Variants in HDAC9 observed in about 807,000 individuals in gnomAD.
HDAC9 encodes histone deacetylase 9, also known as MEF-2 interacting transcription repressor (MITR) protein.
HDAC9 carries 41 observed loss-of-function variants against 139.4 expected under a neutral mutation model. That is an observed-to-expected ratio of 0.29 (90% CI 0.23 to 0.38). The LOEUF is 0.38. Ranked by LOEUF, HDAC9 falls within the 10% of genes least tolerant of loss-of-function variation. The pLI is 1.00. For missense variants in HDAC9, 1,147 were observed against 1,297.0 expected, an observed-to-expected ratio of 0.88 and a Z score of 1.78; for synonymous variants, 517 against 476.2, an observed-to-expected ratio of 1.09 and a Z score of -1.12.
chr7:18,276,329 A>G (rs149321685), intron 2 of HDAC9, among the ~76,000 whole-genome samples: 2,610 of 152,332 alleles, frequency 0.017, 41 homozygotes, highest in Non-Finnish European at 0.025. Flanking sequence ...TGGTATTGAT[A>G]CAGTATTTCC....
At chr7:18,917,776 A>G (rs1358489239) in intron 22 of HDAC9, among the ~76,000 whole-genome samples, 1 of 152,052 alleles carries the variant, frequency 6.6e-6, no homozygotes, top group Non-Finnish European at 1.5e-5. Flanking sequence ...AATTAAAAAT[A>G]TGTCTGAGAT....
chr7:18,799,057 A>G lies in HDAC9; in HGVS notation c.2322+5605A>G, dbSNP rs1793067200. Among the ~76,000 whole-genome samples, 3 of 106,778 alleles carry G rather than the reference A, an allele frequency of 2.8e-5. No homozygotes were observed. In the South Asian group the frequency reaches 8.6e-4, roughly 31 times the overall value. The allele number at this position is 106,778 out of a possible 152,430, so 70.1% of individuals were successfully genotyped here. On this transcript the variant is annotated intron_variant, in intron 17 of 25. Transcript: ENST00000686413. ...TGCCCTAAGACACACACACACACACACACACACACACACACACACACACAC... is the reference window on the plus strand; with the variant it reads ...TGCCCTAAGACACACACACACACACGCACACACACACACACACACACACAC...
chr7:18,919,174 G>A (rs1303708540), intron 22 of HDAC9, among the ~76,000 whole-genome samples: 1 of 152,164 alleles, frequency 6.6e-6, no homozygotes, highest in African/African-American at 2.4e-5. Flanking sequence ...GGGCGCTTAT[G>A]TATCATTTTG....
In HDAC9 at chr7:18,998,546, A is replaced by G. The variant is rs947833210; in HGVS notation, c.*2484A>G. 4 of 152,240 alleles carry G rather than the reference A, an allele frequency of 2.6e-5. No homozygotes were observed. Among genetic ancestry groups the G allele is most frequent in the Admixed American group, 6.5e-5 (1 of 15,282 alleles). The allele number at this position is 152,240 out of a possible 1,614,324, so 9.4% of individuals were successfully genotyped here. On this transcript the variant is annotated 3_prime_UTR_variant, in exon 26 of 26. Transcript: ENST00000686413. ...CAGAATGCCATTGCTTTTTGATTAT[A>G]CCATTACAAGATGGAGCATAGCCCT...
intron 21 of HDAC9, among the ~76,000 whole-genome samples, chr7:18,855,749 A>T (rs757611897): frequency 2.0e-5 from 3 of 152,016 alleles, no homozygotes. Flanking sequence ...AGGGATTCTT[A>T]GCCAAATCCA....
intron 17 of HDAC9, among the ~76,000 whole-genome samples, chr7:18,815,560 C>T (rs1298239074): frequency 6.6e-6 from 1 of 152,242 alleles, no homozygotes; most frequent in Non-Finnish European, 1.5e-5. Context: ...CCTGGTTTTT[C>T]ACGAATGCAT....
intron 12 of HDAC9, among the ~76,000 whole-genome samples, chr7:18,681,909 C>A (rs1030332346): frequency 1.3e-4 from 19 of 151,952 alleles, no homozygotes; most frequent in Non-Finnish European, 2.2e-4. Flanking sequence ...CTTTGTCTAA[C>A]GCTAATAGAA....
At chr7:18,479,821 T>C (rs1350985907) in intron 1 of HDAC9, among the ~76,000 whole-genome samples, 1 of 152,090 alleles carries the variant, frequency 6.6e-6, no homozygotes, top group Non-Finnish European at 1.5e-5. Flanking sequence ...TTTAATATTA[T>C]GTAATATGGT....
chr7:18,761,327 C>G (rs561796983), intron 14 of HDAC9, among the ~76,000 whole-genome samples: 1 of 152,202 alleles, frequency 6.6e-6, no homozygotes, highest in Non-Finnish European at 1.5e-5. Context: ...GTGAAAGTCT[C>G]TGCCTAGCCT....
chr7:18,197,900 T>C (rs1376145325), intron 2 of HDAC9, among the ~76,000 whole-genome samples: 3 of 152,164 alleles, frequency 2.0e-5, no homozygotes, highest in Non-Finnish European at 4.4e-5. Context: ...CACTTAGATA[T>C]AGAGACTGAG....
intron 1 of HDAC9, among the ~76,000 whole-genome samples, chr7:18,158,502 C>T (rs967625298): frequency 2.0e-5 from 3 of 152,152 alleles, no homozygotes; most frequent in South Asian, 2.1e-4. Flanking sequence ...TGCAATGCCG[C>T]GAAGAAAGCA....
chr7:18,744,283 C>T (rs1241145288), intron 13 of HDAC9, among the ~76,000 whole-genome samples: 2 of 152,188 alleles, frequency 1.3e-5, no homozygotes, highest in African/African-American at 2.4e-5. Context: ...TGAGCCACCG[C>T]GCCCGGCCTT....
chr7:18,842,041 G>T (rs907396520), intron 21 of HDAC9, among the ~76,000 whole-genome samples: 2 of 152,030 alleles, frequency 1.3e-5, no homozygotes, highest in Non-Finnish European at 2.9e-5. Context: ...TGAACATTTA[G>T]ATTTAACTTT....
chr7:18,407,420 G>T (rs1788114570), intron 1 of HDAC9, among the ~76,000 whole-genome samples: 1 of 152,148 alleles, frequency 6.6e-6, no homozygotes, highest in African/African-American at 2.4e-5. Context: ...TCAAGCTACT[G>T]TAACAAATCT....
chr7:18,904,668 C>T (rs983703421), intron 22 of HDAC9, among the ~76,000 whole-genome samples: 3 of 147,064 alleles, frequency 2.0e-5, no homozygotes, highest in Non-Finnish European at 3.0e-5. Context: ...CTCCGCCTCC[C>T]GGGTTCACGC....
At chr7:18,287,220 C>A (rs1238383437), upstream of HDAC9, among the ~76,000 whole-genome samples, 8 of 151,312 alleles carry the variant, frequency 5.3e-5, no homozygotes, top group Non-Finnish European at 8.8e-5. Context: ...TTTTTTACTG[C>A]AAAGCCTTAT....
intron 2 of HDAC9, among the ~76,000 whole-genome samples, chr7:18,235,002 G>GA (rs1793720260): frequency 1.3e-5 from 2 of 152,050 alleles, no homozygotes; most frequent in Non-Finnish European, 2.9e-5. Context: ...CAGAGCTTGT[G>GA]AAAAAAGCCC....
intron 1 of HDAC9, among the ~76,000 whole-genome samples, chr7:18,376,932 G>A (rs952952126): frequency 3.9e-5 from 6 of 151,964 alleles, no homozygotes; most frequent in Admixed American, 3.3e-4. Flanking sequence ...TTTTATTATG[G>A]CAACCTAAGC....
chr7:18,685,749 G>A (rs535991941), intron 12 of HDAC9, among the ~76,000 whole-genome samples: 3 of 151,996 alleles, frequency 2.0e-5, no homozygotes, highest in Admixed American at 6.6e-5. Context: ...CATTCTATGC[G>A]ACAGAGTTTT....
Sources: gnomAD v4.1 joint callset for allele counts (sites outside exome capture counted in the v4.1 genomes callset) on GRCh38, gnomAD v4.1.1 for gene constraint, MANE v1.5 for transcripts, NCBI Gene and HGNC (gene_info 2026-07-23, HGNC 2026-07-21) for gene names.